The following CELF5 variants were observed in gnomAD, a reference collection of about 807,000 sequenced individuals.
CELF5 encodes CUG-BP and ETR-3 like factor 5.
In CELF5, 6 loss-of-function variants were observed where a neutral mutation model predicts 54.9. That is an observed-to-expected ratio of 0.11 (90% confidence interval 0.06 to 0.22). CELF5 has a LOEUF of 0.22. Among genes scored for constraint, CELF5 ranks in the 10% least tolerant of loss-of-function variants. The probability of loss-of-function intolerance (pLI) is 1.00; values close to 1 mark genes in which losing one functional copy is unlikely to be tolerated. For synonymous variants in CELF5, 271 were observed against 290.9 expected, an observed-to-expected ratio of 0.93 and a Z score of 0.70; for missense variants, 401 against 678.6, an observed-to-expected ratio of 0.59 and a Z score of 4.54.
chr19:3,254,002 G>A (rs8100116), intron 2 of CELF5, among the ~76,000 whole-genome samples: 1 of 152,098 alleles, frequency 6.6e-6, no homozygotes, highest in South Asian at 2.1e-4. Context: ...CCTTGGAACT[G>A]GTTCTTTTCC....
intron 1 of CELF5, among the ~76,000 whole-genome samples, chr19:3,237,109 G>A (rs8102805): frequency 6.6e-6 from 1 of 150,926 alleles, no homozygotes; most frequent in African/African-American, 2.4e-5. Context: ...TCAGGAGATC[G>A]AGACCATCCT....
chr19:3,284,807 G>A, intron 8 of CELF5, 95 bp from the exon 9 acceptor site: 1 of 1,037,012 alleles, frequency 9.6e-7, no homozygotes, highest in South Asian at 1.3e-5. Context: ...AGCTGGGCGG[G>A]GTGTTTGTTG....
Position 3,284,973 on chromosome 19 carries a change from C to T in CELF5, c.1102+9C>T. ...AGTCCAGCAGTACACAGGTAGGAGGCAGCCCGCGTGCCCGCGCTGGGCCCT... is the reference window on the plus strand; with the variant it reads ...AGTCCAGCAGTACACAGGTAGGAGGTAGCCCGCGTGCCCGCGCTGGGCCCT... On this transcript the variant is annotated intron_variant, in intron 9 of 12. Transcript: ENST00000292672. 6.3e-7 allele frequency: 1 copy of T among 1,590,524 alleles called. No homozygotes were observed. The highest frequency in any genetic ancestry group is 1.1e-5 in the South Asian group (1 of 89,880).
At chr19:3,237,001 A>G (rs1315534585) in intron 1 of CELF5, among the ~76,000 whole-genome samples, 3 of 144,576 alleles carry the variant, frequency 2.1e-5, no homozygotes, top group African/African-American at 7.7e-5. Flanking sequence ...AAAAAAAAAA[A>G]AAAGTAAAGT....
intron 2 of CELF5, among the ~76,000 whole-genome samples, chr19:3,273,406 G>C (rs1307511127): frequency 6.6e-6 from 1 of 151,918 alleles, no homozygotes; most frequent in African/African-American, 2.4e-5. Flanking sequence ...CTATCCACCT[G>C]GCAGTCTCAG....
intron 2 of CELF5, among the ~76,000 whole-genome samples, chr19:3,273,529 G>T (rs191037505): frequency 6.6e-6 from 1 of 152,288 alleles, no homozygotes; most frequent in African/African-American, 2.4e-5. Context: ...AAGTTCAGGT[G>T]CCAGGAGTGG....
intron 1 of CELF5, among the ~76,000 whole-genome samples, chr19:3,227,116 C>T (rs1916970055): frequency 6.6e-6 from 1 of 152,138 alleles, no homozygotes; most frequent in African/African-American, 2.4e-5. Flanking sequence ...AAAATGGGTC[C>T]AGTACCCTCG....
intron 8 of CELF5, chr19:3,284,677 C>T (rs2080204389): frequency 5.2e-6 from 3 of 574,064 alleles, no homozygotes; most frequent in East Asian, 5.7e-5. Context: ...CTCTGGAGTC[C>T]GAGAAACCCG....
At chr19:3,235,682 G>GGA (rs1917544647) in intron 1 of CELF5, among the ~76,000 whole-genome samples, 5 of 90,510 alleles carry the variant, frequency 5.5e-5, no homozygotes, top group African/African-American at 1.7e-4. Context: ...GGATGGATGT[G>GGA]TGGATGGGTG....
rs749889665 is a variant in CELF5 at position 3,275,447 on chromosome 19, AAGAC to A, written c.395-390_395-387del. Among the ~76,000 whole-genome samples the A allele has an allele frequency of 1.6e-4, 24 of 152,068 alleles. No homozygotes were observed. Among genetic ancestry groups the A allele is most frequent in the African/African-American group, 4.6e-4 (19 of 41,444 alleles). ...CTGGCAGGTCCGGGGAGCAGACAGA[AAGAC>A]AGACAGACAGACAGACAGGGACCCA... On this transcript the variant is annotated intron_variant, in intron 3 of 12. Transcript: ENST00000292672. The surrounding 1 kb of genome is among the most constrained non-coding windows in gnomAD (Gnocchi z 6.7).
At chr19:3,290,191 C>G in intron 10 of CELF5, 40 bp from the exon 11 acceptor site, 2 of 1,601,878 alleles carry the variant, frequency 1.2e-6, no homozygotes, top group Non-Finnish European at 1.7e-6. Flanking sequence ...TTCGCCTCCT[C>G]TCCTTGGGGG....
chr19:3,252,614 G>A (rs1241527384), intron 2 of CELF5, among the ~76,000 whole-genome samples: 3 of 152,112 alleles, frequency 2.0e-5, no homozygotes, highest in Admixed American at 2.0e-4. Context: ...GAAATCTGAC[G>A]TGCGCCTTCC....
At chr19:3,261,972 G>T (rs2079812411) in intron 2 of CELF5, among the ~76,000 whole-genome samples, 1 of 152,260 alleles carries the variant, frequency 6.6e-6, no homozygotes, top group East Asian at 1.9e-4. Context: ...AGCTCCGTGA[G>T]GCTGTTGAGC....
chr19:3,233,273 T>C (rs1261296930), intron 1 of CELF5, among the ~76,000 whole-genome samples: 2 of 152,018 alleles, frequency 1.3e-5, no homozygotes, highest in Non-Finnish European at 2.9e-5. Context: ...GGAAAACAGA[T>C]CTAAACCCTG....
At chr19:3,276,218 G>T in intron 4 of CELF5, among the ~76,000 whole-genome samples, 1 of 139,846 alleles carries the variant, frequency 7.2e-6, no homozygotes, top group African/African-American at 2.7e-5. Context: ...GGGCTGCAGG[G>T]TGGGGAGGAG....
chr19:3,241,621 G>C (rs997513108), intron 1 of CELF5, among the ~76,000 whole-genome samples: 3 of 152,012 alleles, frequency 2.0e-5, no homozygotes, highest in Non-Finnish European at 4.4e-5. Flanking sequence ...TGGCGTGGGT[G>C]GGGGATAAGC....
At chr19:3,262,673 G>A (rs776600928) in intron 2 of CELF5, among the ~76,000 whole-genome samples, 3 of 152,124 alleles carry the variant, frequency 2.0e-5, no homozygotes, top group Admixed American at 6.6e-5. Context: ...CTTAAGGGCC[G>A]GGCGCAGTGG....
chr19:3,225,951 C>T (rs1916884273), intron 1 of CELF5, among the ~76,000 whole-genome samples: 1 of 152,250 alleles, frequency 6.6e-6, no homozygotes, highest in Non-Finnish European at 1.5e-5. Context: ...GTCTGCCTCC[C>T]TCCCACTGGA....
intron 10 of CELF5, among the ~76,000 whole-genome samples, chr19:3,288,326 A>T (rs999124193): frequency 6.6e-6 from 1 of 151,820 alleles, no homozygotes; most frequent in Non-Finnish European, 1.5e-5. Flanking sequence ...GTTCGAGACC[A>T]GCCTGGACAA....
Sources: gnomAD v4.1 joint callset for allele counts (sites outside exome capture counted in the v4.1 genomes callset) on GRCh38, gnomAD v4.1.1 for gene constraint, Gnocchi (gnomAD v3.1) non-coding constraint, MANE v1.5 for transcripts, NCBI Gene and HGNC (gene_info 2026-07-23, HGNC 2026-07-21) for gene names.